Variants in DOK5 observed in about 807,000 individuals in gnomAD.
DOK5 encodes docking protein 5.
A neutral mutation model predicts 43.3 loss-of-function variants in DOK5; 27 were observed. The ratio of observed to expected loss-of-function variants is 0.62; its 90% CI spans 0.46 to 0.86. The LOEUF (loss-of-function observed/expected upper bound fraction) is 0.86, where lower values mean the gene tolerates loss of function less well. Among genes scored for constraint, DOK5 ranks in the 40% least tolerant of loss-of-function variants. The pLI is 0.00. For synonymous variants in DOK5, 146 were observed against 140.1 expected (o/e 1.04, Z -0.30); for missense variants, 373 against 392.9 (o/e 0.95, Z 0.43).
At chr20:54,636,566 C>A (rs958446919) in intron 6 of DOK5, among the ~76,000 whole-genome samples, 2 of 152,152 alleles carry the variant, frequency 1.3e-5, no homozygotes, top group African/African-American at 2.4e-5. Context: ...CATATGAGGA[C>A]CATTTTCCAC....
intron 6 of DOK5, among the ~76,000 whole-genome samples, chr20:54,620,546 T>A (rs751848158): frequency 6.6e-6 from 1 of 152,188 alleles, no homozygotes; most frequent in Non-Finnish European, 1.5e-5. Flanking sequence ...GCATTTGTTT[T>A]CATCTTTAAA....
At position 54,650,489 on chromosome 20, in the gene DOK5, C is replaced by A. The variant is rs1205762945; in HGVS notation, c.*10C>A. ...CAGATCTGAGCACTGACAGTAACTG[C>A]CAAGAATTGTTAACACACTTGTGAT... On this transcript the variant is annotated 3_prime_UTR_variant, in exon 8 of 8. Transcript: ENST00000262593. 1.2e-6 allele frequency: 2 copies of A among 1,613,468 alleles called. No individual in the cohort carries two copies. Among genetic ancestry groups the A allele is most frequent in the Admixed American group, 1.7e-5 (1 of 59,994 alleles).
chr20:54,560,157 T>C (rs1277323520), intron 2 of DOK5, among the ~76,000 whole-genome samples: 1 of 152,164 alleles, frequency 6.6e-6, no homozygotes, highest in Non-Finnish European at 1.5e-5. Flanking sequence ...TACTAATGAT[T>C]CATTCTTTTT....
chr20:54,507,150 C>T (rs919902970), intron 1 of DOK5, among the ~76,000 whole-genome samples: 4 of 152,102 alleles, frequency 2.6e-5, no homozygotes, highest in Non-Finnish European at 5.9e-5. Context: ...TTGGAAAGTA[C>T]TTGGGATACA....
chr20:54,628,395 C>G (rs1263172580), intron 6 of DOK5, among the ~76,000 whole-genome samples: 3 of 101,786 alleles, frequency 2.9e-5, no homozygotes, highest in Non-Finnish European at 5.1e-5. Flanking sequence ...GGCGACAGAG[C>G]GAGACTCCGT....
chr20:54,643,711 G>A, intron 7 of DOK5, 133 bp downstream of exon 7: 2 of 1,184,324 alleles, frequency 1.7e-6, no homozygotes, highest in East Asian at 2.6e-5. Flanking sequence ...CCCCCATCAA[G>A]GCCTCACACA....
intron 5 of DOK5, among the ~76,000 whole-genome samples, chr20:54,599,051 A>C (rs975194872): frequency 1.3e-5 from 2 of 152,212 alleles, no homozygotes; most frequent in Non-Finnish European, 2.9e-5. Context: ...GTGTATTTGC[A>C]TATTTGAAAG....
At chr20:54,478,942 A>G (rs1981550856) in intron 1 of DOK5, among the ~76,000 whole-genome samples, 1 of 152,196 alleles carries the variant, frequency 6.6e-6, no homozygotes, top group Non-Finnish European at 1.5e-5. Context: ...ATGCAGCTCC[A>G]GATTTTTTCA....
chr20:54,571,226 C>G (rs1405736940), intron 2 of DOK5, among the ~76,000 whole-genome samples: 1 of 152,006 alleles, frequency 6.6e-6, no homozygotes, highest in Non-Finnish European at 1.5e-5. Context: ...TTTTTTATTC[C>G]TCTTTATTCT....
chr20:54,557,277 G>T (rs1984737580), intron 2 of DOK5, among the ~76,000 whole-genome samples: 1 of 152,174 alleles, frequency 6.6e-6, no homozygotes, highest in Non-Finnish European at 1.5e-5. Flanking sequence ...TCCACAGACG[G>T]GGTTGGGGGC....
chr20:54,567,713 C>G (rs945200098), intron 2 of DOK5, among the ~76,000 whole-genome samples: 2 of 152,114 alleles, frequency 1.3e-5, no homozygotes, highest in East Asian at 3.8e-4. Flanking sequence ...TCTATATCTA[C>G]AGAAAATCCT....
intron 6 of DOK5, among the ~76,000 whole-genome samples, chr20:54,618,199 G>A (rs1337707285): frequency 3.9e-5 from 6 of 152,178 alleles, no homozygotes; most frequent in South Asian, 4.2e-4. Context: ...CTGCAGCTAC[G>A]TAGCTCATTA....
At chr20:54,627,121 G>A (rs1299822026) in intron 6 of DOK5, among the ~76,000 whole-genome samples, 8 of 152,132 alleles carry the variant, frequency 5.3e-5, no homozygotes, top group Non-Finnish European at 8.8e-5. Flanking sequence ...GTACGTATAA[G>A]AATATCAGAT....
intron 2 of DOK5, among the ~76,000 whole-genome samples, chr20:54,570,196 G>A (rs1985240007): frequency 6.6e-6 from 1 of 152,140 alleles, no homozygotes; most frequent in South Asian, 2.1e-4. Context: ...GCTTATTAGA[G>A]TATTTTAGAG....
intron 2 of DOK5, among the ~76,000 whole-genome samples, chr20:54,568,834 G>A (rs532710308): frequency 6.6e-6 from 1 of 152,130 alleles, no homozygotes; most frequent in South Asian, 2.1e-4. Context: ...GGAGGCTGAG[G>A]CAGGAGAATG....
chr20:54,614,056 A>C (rs1986731009), intron 6 of DOK5, among the ~76,000 whole-genome samples: 1 of 150,208 alleles, frequency 6.7e-6, no homozygotes, highest in Non-Finnish European at 1.5e-5. Flanking sequence ...ATATATATTT[A>C]TATTTGAGTT....
chr20:54,475,979 A>G lies in DOK5; in HGVS notation c.33A>G (p.Gln11=). The G allele has an allele frequency of 1.9e-6, 3 of 1,613,476 alleles. No homozygotes were observed. The highest frequency in any genetic ancestry group is 2.5e-6 in the Non-Finnish European group (3 of 1,179,934). ...CCAATTTTAATGACATAGTGAAGCA[A>G]GGGTACGTGAGGATCCGGAGCAGAC... MASNFNDIVK[Q]GYVRIRSRRL... is the part of the protein sequence containing the mutation. The change falls in exon 1 of 8, where the codon CAA becomes CAG. Residue 11 remains glutamine, a synonymous_variant. Coordinates refer to ENST00000262593, the MANE Select transcript of DOK5 (RefSeq NM_018431.5). This position sits in a 1 kb window ranked among gnomAD's most constrained non-coding sequence, Gnocchi z 4.2.
intron 1 of DOK5, among the ~76,000 whole-genome samples, chr20:54,532,504 A>G (rs1190957261): frequency 6.6e-6 from 1 of 152,128 alleles, no homozygotes. Flanking sequence ...TGCAAGAAAG[A>G]AGGTGGGGAA....
At chr20:54,608,417 T>C (rs979193431) in intron 5 of DOK5, among the ~76,000 whole-genome samples, 8 of 152,186 alleles carry the variant, frequency 5.3e-5, no homozygotes, top group Admixed American at 4.6e-4. Flanking sequence ...CAGAATTGGA[T>C]GCCAAACAAT....
Sources: gnomAD v4.1 joint callset for allele counts (sites outside exome capture counted in the v4.1 genomes callset) on GRCh38, gnomAD v4.1.1 for gene constraint, Gnocchi (gnomAD v3.1) non-coding constraint, MANE v1.5 for transcripts, NCBI Gene and HGNC (gene_info 2026-07-23, HGNC 2026-07-21) for gene names.